OR9Q1: variants seen among roughly 807,000 people sequenced by gnomAD.
The protein encoded by OR9Q1 is olfactory receptor family 9 subfamily Q member 1.
For missense variants in OR9Q1, 374 were observed against 378.8 expected, an observed-to-expected ratio of 0.99 and a Z score of 0.11; for synonymous variants, 153 against 148.6, an observed-to-expected ratio of 1.03 and a Z score of -0.22.
intron 2 of OR9Q1, among the ~76,000 whole-genome samples, chr11:58,130,357 A>C (rs995437820): frequency 2.0e-5 from 3 of 152,238 alleles, no homozygotes; most frequent in African/African-American, 7.2e-5. Context: ...TTGCCTACAT[A>C]ATCATCAAAT....
At chr11:58,174,795 T>C (rs547168690) in intron 2 of OR9Q1, among the ~76,000 whole-genome samples, 2 of 151,784 alleles carry the variant, frequency 1.3e-5, no homozygotes, top group South Asian at 2.1e-4. Context: ...AAGGTCTAAA[T>C]TGAAACTCTT....
chr11:58,147,833 C>T (rs1315754594), intron 2 of OR9Q1, among the ~76,000 whole-genome samples: 1 of 152,084 alleles, frequency 6.6e-6, no homozygotes, highest in Non-Finnish European at 1.5e-5. Flanking sequence ...TCACTTATCT[C>T]ATTTAAAGAT....
chr11:58,027,795 C>T (rs1477846604), intron 1 of OR9Q1, among the ~76,000 whole-genome samples: 1 of 152,216 alleles, frequency 6.6e-6, no homozygotes, highest in Non-Finnish European at 1.5e-5. Flanking sequence ...TACTTCTTTA[C>T]CCCTCCTTCA....
At chr11:58,035,251 A>G (rs1853090017) in intron 1 of OR9Q1, among the ~76,000 whole-genome samples, 1 of 105,048 alleles carries the variant, frequency 9.5e-6, no homozygotes, top group Non-Finnish European at 2.0e-5. Context: ...GTCACCATTT[A>G]ATTATTGCAG....
chr11:58,026,546 G>A (rs1852974822), intron 1 of OR9Q1, among the ~76,000 whole-genome samples: 1 of 152,020 alleles, frequency 6.6e-6, no homozygotes, highest in Admixed American at 6.5e-5. Context: ...GCTGGATATG[G>A]TGATGCGTGC....
At position 58,096,150 on chromosome 11, in the gene OR9Q1, C is replaced by CTT. The variant is rs200291818; in HGVS notation, c.-15+40216_-15+40217dup. 7.2e-3 allele frequency among the ~76,000 whole-genome samples: 980 copies of CTT among 136,478 alleles called. 8 individuals are homozygous for CTT. Among genetic ancestry groups the CTT allele is most frequent in the African/African-American group, 0.023 (853 of 37,150 alleles). The allele number at this position is 136,478 out of a possible 152,430, so 89.5% of individuals were successfully genotyped here. On this transcript the variant is annotated intron_variant, in intron 2 of 2. Transcript: ENST00000335397. ...TTTCTCTCTCTCTCTCTTCCTTTCC[C>CTT]TTTTTTTTTTTTTTCAGGAGAACCA... is the stretch of plus-strand genomic sequence containing the variant.
chr11:58,144,544 T>G (rs1449234230), intron 2 of OR9Q1: 1 of 152,170 alleles, frequency 6.6e-6, no homozygotes, highest in Non-Finnish European at 1.5e-5. Flanking sequence ...AAGGCAGAGC[T>G]GCAGATAGGT....
At chr11:58,119,633 G>C (rs1174651103) in intron 2 of OR9Q1, among the ~76,000 whole-genome samples, 2 of 152,180 alleles carry the variant, frequency 1.3e-5, no homozygotes, top group Admixed American at 1.3e-4. Flanking sequence ...TTATGGAACT[G>C]AGCCTTAAGC....
At chr11:58,174,945 G>A (rs1993090) in intron 2 of OR9Q1, among the ~76,000 whole-genome samples, 149,312 of 151,190 alleles carry the variant, frequency 0.99, 73,759 homozygotes, top group Middle Eastern at 1. Context: ...GACTCTACTA[G>A]AAATAAAAAC....
At chr11:58,061,739 A>G (rs1275969103) in intron 2 of OR9Q1, among the ~76,000 whole-genome samples, 1 of 152,214 alleles carries the variant, frequency 6.6e-6, no homozygotes, top group East Asian at 1.9e-4. Flanking sequence ...AATGCTCAAG[A>G]ATTTCTTAAG....
chr11:58,097,157 C>A (rs1853740282), intron 2 of OR9Q1, among the ~76,000 whole-genome samples: 1 of 152,086 alleles, frequency 6.6e-6, no homozygotes, highest in Non-Finnish European at 1.5e-5. Flanking sequence ...TTCTTTCATT[C>A]AACATAATAT....
chr11:58,056,951 C>G (rs1336236488), intron 2 of OR9Q1, among the ~76,000 whole-genome samples: 2 of 151,052 alleles, frequency 1.3e-5, no homozygotes, highest in Non-Finnish European at 2.9e-5. Flanking sequence ...TGATCTGTAC[C>G]CACTTTCCTA....
At chr11:58,085,511 A>T (rs1404727800) in intron 2 of OR9Q1, among the ~76,000 whole-genome samples, 2 of 151,794 alleles carry the variant, frequency 1.3e-5, no homozygotes, top group East Asian at 3.8e-4. Context: ...TAAGTTATTC[A>T]TCTTGTTTCT....
At chr11:58,114,240 T>C (rs1047521140) in intron 2 of OR9Q1, among the ~76,000 whole-genome samples, 4 of 152,202 alleles carry the variant, frequency 2.6e-5, no homozygotes, top group Non-Finnish European at 4.4e-5. Flanking sequence ...ATTAAGACCA[T>C]CTTGTTTCTG....
chr11:58,099,659 T>C (rs1453599597), intron 2 of OR9Q1, among the ~76,000 whole-genome samples: 8 of 152,182 alleles, frequency 5.3e-5, no homozygotes, highest in Non-Finnish European at 1.2e-4. Context: ...TTTAATAGTA[T>C]GGCAGTCTTT....
intron 1 of OR9Q1, among the ~76,000 whole-genome samples, chr11:58,036,447 T>C (rs996435364): frequency 1.1e-4 from 16 of 152,318 alleles, no homozygotes; most frequent in Admixed American, 6.5e-5. Context: ...ATGGTACAAG[T>C]AGTTTTTGAT....
intron 2 of OR9Q1, among the ~76,000 whole-genome samples, chr11:58,176,735 A>C (rs975491251): frequency 6.6e-6 from 1 of 152,146 alleles, no homozygotes; most frequent in Non-Finnish European, 1.5e-5. Flanking sequence ...TTGTGTGTGC[A>C]TGTGTGTGAG....
chr11:58,091,354 C>T (rs1853682710), intron 2 of OR9Q1, among the ~76,000 whole-genome samples: 1 of 152,142 alleles, frequency 6.6e-6, no homozygotes, highest in African/African-American at 2.4e-5. Flanking sequence ...TCTTTGTTCT[C>T]ACTGGTCTCA....
chr11:58,173,263 G>C (rs983898220), intron 2 of OR9Q1, among the ~76,000 whole-genome samples: 1 of 149,964 alleles, frequency 6.7e-6, no homozygotes, highest in African/African-American at 2.5e-5. Flanking sequence ...ATTAGATATA[G>C]CTCCTAATGC....
Sources: gnomAD v4.1 joint callset for allele counts (sites outside exome capture counted in the v4.1 genomes callset) on GRCh38, gnomAD v4.1.1 for gene constraint, MANE v1.5 for transcripts, NCBI Gene and HGNC (gene_info 2026-07-23, HGNC 2026-07-21) for gene names.